ZSCAN18: variants seen among roughly 807,000 people sequenced by gnomAD.
ZSCAN18 encodes the protein zinc finger and SCAN domain-containing protein 18.
ZSCAN18 carries 16 observed loss-of-function variants against 31.1 expected under a neutral mutation model. That is an observed-to-expected ratio of 0.51 (90% CI 0.35 to 0.78). The LOEUF (loss-of-function observed/expected upper bound fraction) is 0.78, where lower values mean the gene tolerates loss of function less well. ZSCAN18 is among the 30% of genes least tolerant of loss of function. The pLI, the probability that ZSCAN18 is intolerant of heterozygous loss-of-function variation, is 0.01. For synonymous variants in ZSCAN18, 375 were observed against 320.7 expected (o/e 1.17, Z -1.81); for missense variants, 731 against 697.4 (o/e 1.05, Z -0.54).
intron 1 of ZSCAN18, 55 bp downstream of exon 1, chr19:58,098,119 T>C (rs1245934908): frequency 1.0e-6 from 1 of 985,262 alleles, no homozygotes; most frequent in African/African-American, 1.7e-5. Flanking sequence ...CCTCACCGTC[T>C]ACCCTGTTGG....
chr19:58,113,004 C>T (rs1490790510), intron 1 of ZSCAN18, among the ~76,000 whole-genome samples: 1 of 118,046 alleles, frequency 8.5e-6, no homozygotes, highest in Non-Finnish European at 1.8e-5. Context: ...TATTGAGAAA[C>T]ACAATTTTCA....
chr19:58,089,295 T>C, intron 2 of ZSCAN18, among the ~76,000 whole-genome samples: 1 of 76,384 alleles, frequency 1.3e-5, no homozygotes, highest in Non-Finnish European at 2.2e-5. Context: ...AGAGCGAGAC[T>C]CCGTCTCAAA....
chr19:58,087,494 A>T, intron 3 of ZSCAN18, 90 bp from the exon 4 acceptor site: 1 of 1,144,984 alleles, frequency 8.7e-7, no homozygotes, highest in Non-Finnish European at 1.3e-6. Flanking sequence ...CCTCCCACAC[A>T]GGCCCCAGTG....
intron 1 of ZSCAN18, among the ~76,000 whole-genome samples, chr19:58,096,387 C>G: frequency 6.6e-6 from 1 of 152,198 alleles, no homozygotes; most frequent in East Asian, 1.9e-4. Flanking sequence ...GAGCCCAGCC[C>G]CCCAGCCTCA....
upstream of ZSCAN18, among the ~76,000 whole-genome samples, chr19:58,101,829 T>A (rs1363616790): frequency 6.6e-6 from 1 of 151,732 alleles, no homozygotes; most frequent in East Asian, 1.9e-4. Flanking sequence ...CTTTTTTTTT[T>A]CTTTGTTTTT....
upstream of ZSCAN18, among the ~76,000 whole-genome samples, chr19:58,099,710 C>T (rs1362599611): frequency 6.6e-6 from 1 of 152,176 alleles, no homozygotes; most frequent in Non-Finnish European, 1.5e-5. Context: ...ACACTCCCAC[C>T]ACCAATGAAT....
upstream of ZSCAN18, among the ~76,000 whole-genome samples, chr19:58,100,237 G>A (rs1471354702): frequency 6.6e-6 from 1 of 152,076 alleles, no homozygotes; most frequent in Non-Finnish European, 1.5e-5. Context: ...TTACAGGCAT[G>A]AGCCACCATG....
At chr19:58,097,990 G>GCC (rs1568639054) in intron 1 of ZSCAN18, 184 bp downstream of exon 1, 12 of 985,598 alleles carry the variant, frequency 1.2e-5, no homozygotes, top group Non-Finnish European at 1.4e-5. Context: ...CCCGGCCCCT[G>GCC]CCCCGCACTC....
At chr19:58,086,119 T>C in intron 6 of ZSCAN18, 55 bp downstream of exon 6, 1 of 1,555,054 alleles carries the variant, frequency 6.4e-7, no homozygotes, top group African/African-American at 1.4e-5. Context: ...CCCCTCAGCC[T>C]CTGAAGAAAA....
intron 2 of ZSCAN18, among the ~76,000 whole-genome samples, chr19:58,089,551 A>T (rs899625745): frequency 3.3e-5 from 5 of 151,708 alleles, no homozygotes; most frequent in African/African-American, 1.2e-4. Context: ...GCTTGAACCC[A>T]GGAGGTGGAG....
At chr19:58,101,125 CTTTT>C (rs71188077), upstream of ZSCAN18, among the ~76,000 whole-genome samples, 1,512 of 127,130 alleles carry the variant, frequency 0.012, 22 homozygotes, top group African/African-American at 0.042. Flanking sequence ...ATTCCTCCCA[CTTTT>C]TTTTTTTTTT....
Position 58,111,163 on chromosome 19 carries a change from G to A in ZSCAN18, c.130+7104C>T, listed in dbSNP as rs1030263242. ...AGCCTGGGCGACAGAGCAAGACTCC[G>A]TCTCAAAAAAAAAAAATTCCCATTT... On this transcript the variant is annotated intron_variant, in intron 1 of 1. Coordinates refer to the ZSCAN18 transcript ENST00000595721. 3.4e-5 allele frequency among the ~76,000 whole-genome samples: 3 copies of A among 88,190 alleles called. No individual in the cohort carries two copies. In the South Asian group the frequency reaches 1.2e-3, roughly 35 times the overall value. 57.9% of individuals were successfully genotyped at this position (88,190 alleles called of 152,430 possible).
At chr19:58,088,437 ATTCTT>A (rs1395952532) in intron 3 of ZSCAN18, 2 of 447,844 alleles carry the variant, frequency 4.5e-6, no homozygotes, top group African/African-American at 1.9e-5. Flanking sequence ...GGGTTGGGAG[ATTCTT>A]TTCTTTATGT....
At position 58,087,627 on chromosome 19, in the gene ZSCAN18, C is replaced by T. The variant is rs1599955123; in HGVS notation, c.554-223G>A. On this transcript the variant is annotated intron_variant, in intron 3 of 6. Coordinates refer to ENST00000601144, the MANE Select transcript of ZSCAN18 (RefSeq NM_001145543.2). Reference sequence around the variant, plus strand: ...GATGCCCATTCAAGTCCACTGGATTCATGGAAATCTTTTTTTTTTTTGGTT... The same window carrying T: ...GATGCCCATTCAAGTCCACTGGATTTATGGAAATCTTTTTTTTTTTTGGTT... The T allele has an allele frequency of 5.8e-6, 3 of 518,610 alleles. No homozygotes were observed. The East Asian group carries it at 9.8e-5, about 17-fold the overall frequency. The allele number at this position is 518,610 out of a possible 1,614,324, so 32.1% of individuals were successfully genotyped here.
At chr19:58,085,531 C>T (rs2074260815) in intron 6 of ZSCAN18, 152 bp from the exon 7 acceptor site, 2 of 668,218 alleles carry the variant, frequency 3.0e-6, no homozygotes, top group African/African-American at 1.9e-5. Flanking sequence ...CGCTGTCCCT[C>T]CCAGGCAGCC....
chr19:58,089,988 G>A lies in ZSCAN18; in HGVS notation c.280C>T (p.Leu94=). The change falls in exon 2 of 7, where the codon CTG becomes TTG. Residue 94 remains leucine (L), a synonymous_variant. Transcript: ENST00000601144. ...GGCAGGATGCCCAGGAACTGCTCCA[G>A]CACCAGCAGCTCCAGCATCTGCTCC... ...SKEQMLELLV[L]EQFLGILPDK... 6.2e-7 allele frequency: 1 copy of A among 1,614,074 alleles called. No homozygotes were observed. Among genetic ancestry groups the A allele is most frequent in the Non-Finnish European group, 8.5e-7 (1 of 1,180,032 alleles).
chr19:58,097,526 T>C (rs1412328774), intron 1 of ZSCAN18, among the ~76,000 whole-genome samples: 1 of 151,584 alleles, frequency 6.6e-6, no homozygotes, highest in Non-Finnish European at 1.5e-5. Context: ...AGGCGAGATA[T>C]TCCAAGGGTG....
intron 1 of ZSCAN18, among the ~76,000 whole-genome samples, chr19:58,103,695 G>A (rs1447480006): frequency 6.6e-6 from 1 of 152,154 alleles, no homozygotes; most frequent in East Asian, 1.9e-4. Context: ...ACTTAGGCCA[G>A]TTAATAACCC....
intron 2 of ZSCAN18, among the ~76,000 whole-genome samples, chr19:58,089,159 C>T (rs926845404): frequency 2.1e-4 from 31 of 149,296 alleles, no homozygotes; most frequent in African/African-American, 4.2e-4. Context: ...AAAAATTAGC[C>T]GGGCGTAGTG....
Sources: gnomAD v4.1 joint callset for allele counts (sites outside exome capture counted in the v4.1 genomes callset) on GRCh38, gnomAD v4.1.1 for gene constraint, MANE v1.5 for transcripts, NCBI Gene and HGNC (gene_info 2026-07-23, HGNC 2026-07-21) for gene names.